SP140: variants seen among roughly 807,000 people sequenced by gnomAD.
SP140 encodes the protein nuclear body protein SP140.
In SP140, 81 loss-of-function variants were observed where a neutral mutation model predicts 125.0. The observed-to-expected ratio is 0.65, with a 90% CI of 0.54 to 0.78. The LOEUF (loss-of-function observed/expected upper bound fraction) is 0.78. SP140 is among the 30% of genes least tolerant of loss of function. The pLI is 0.00. For missense variants in SP140, 858 were observed against 1,037.0 expected (o/e 0.83, Z 2.37); for synonymous variants, 312 against 354.0 (o/e 0.88, Z 1.33).
chr2:230,211,675 G>A lies in SP140; in HGVS notation c.-322-1979G>A. ...ACGGGGTAACAGCAACCAAGGCCTG[G>A]GAAAGGATGGCATAGAGTGGGAAAG... On this transcript the variant is annotated intron_variant, in intron 1 of 4. Coordinates refer to the SP140 transcript ENST00000456542. The surrounding 1 kb of genome is among the most constrained non-coding windows in gnomAD (Gnocchi z 4.2). 1 of 716,822 alleles carries A rather than the reference G, an allele frequency of 1.4e-6. No individual in the cohort carries two copies. The allele number at this position is 716,822 out of a possible 1,614,324, so 44.4% of individuals were successfully genotyped here. A position where few individuals can be genotyped will look rare whatever the true frequency, so the allele number is the denominator to read the frequency against.
chr2:230,209,975 G>A, intron 1 of SP140: 1 of 1,609,240 alleles, frequency 6.2e-7, no homozygotes, highest in Non-Finnish European at 8.5e-7. Context: ...GGGCTCTTCT[G>A]GGTCATTTGG....
Position 230,237,009 on chromosome 2 carries a change from T to A in SP140, c.60-74T>A. ...GGCTCTCCATTGGCCATCCTTCATGTCTAAAATCTTCTAACCACCACAAAC... is the reference window on the plus strand; with the variant it reads ...GGCTCTCCATTGGCCATCCTTCATGACTAAAATCTTCTAACCACCACAAAC... On this transcript the variant is annotated intron_variant, in intron 1 of 26. Coordinates refer to ENST00000392045, the MANE Select transcript of SP140 (RefSeq NM_007237.5). This position sits in a 1 kb window ranked among gnomAD's most constrained non-coding sequence, Gnocchi z 5.4. 8 of 1,221,940 alleles carry A rather than the reference T, an allele frequency of 6.5e-6. No homozygotes were observed. The highest frequency in any genetic ancestry group is 9.0e-6 in the Non-Finnish European group (8 of 893,288). The allele number at this position is 1,221,940 out of a possible 1,614,324, so 75.7% of individuals were successfully genotyped here. A position where few individuals can be genotyped will look rare whatever the true frequency, so the allele number is the denominator to read the frequency against.
At chr2:230,286,568 A>T (rs776335870) in intron 17 of SP140, among the ~76,000 whole-genome samples, 2 of 152,156 alleles carry the variant, frequency 1.3e-5, no homozygotes, top group Non-Finnish European at 2.9e-5. Context: ...CTTCCATGAG[A>T]TGCTTTCATC....
chr2:230,310,097 G>A (rs2059196305), intron 23 of SP140, 58 bp downstream of exon 23: 3 of 1,539,568 alleles, frequency 1.9e-6, no homozygotes, highest in South Asian at 1.1e-5. Flanking sequence ...CACCTGCCAT[G>A]CGCACTCTCC....
At chr2:230,196,648 C>T in the SP140 span, among the ~76,000 whole-genome samples, 1 of 151,756 alleles carries the variant, frequency 6.6e-6, no homozygotes, top group Non-Finnish European at 1.5e-5. Flanking sequence ...CCCATTAACT[C>T]GTCATTTAGC....
intron 12 of SP140, among the ~76,000 whole-genome samples, chr2:230,264,069 C>T (rs181927322): frequency 6.6e-6 from 1 of 152,238 alleles, no homozygotes; most frequent in African/African-American, 2.4e-5. Flanking sequence ...ATATGTTTTC[C>T]AAGCTTTTAG....
At chr2:230,313,346 T>G (rs111769320), downstream of SP140, 484 of 152,436 alleles carry the variant, frequency 3.2e-3, 3 homozygotes, top group Admixed American at 7.0e-3. Context: ...GCCAGGTCTT[T>G]TCATCCCCAA....
intron 3 of SP140, chr2:230,238,906 G>A (rs1469719389): frequency 3.9e-6 from 6 of 1,550,332 alleles, no homozygotes; most frequent in East Asian, 4.9e-5. Context: ...GGTTGGTGGG[G>A]GCCTTTCCGA....
intron 1 of SP140, among the ~76,000 whole-genome samples, chr2:230,226,676 C>T (rs1574855647): frequency 1.3e-5 from 2 of 148,954 alleles, no homozygotes; most frequent in South Asian, 4.3e-4. Context: ...GCAGGATAAT[C>T]GCTTGAACCA....
intron 22 of SP140, among the ~76,000 whole-genome samples, chr2:230,304,076 A>G (rs1384991537): frequency 6.6e-6 from 1 of 152,220 alleles, no homozygotes; most frequent in Admixed American, 6.5e-5. Flanking sequence ...CAAAATCAAT[A>G]TATACAAATC....
At chr2:230,310,528 C>A in intron 23 of SP140, 1 of 1,097,282 alleles carries the variant, frequency 9.1e-7, no homozygotes. Flanking sequence ...GTGACACCAC[C>A]TTCCTCAGAC....
chr2:230,301,269 T>A (rs2058259160), intron 22 of SP140, among the ~76,000 whole-genome samples: 1 of 152,098 alleles, frequency 6.6e-6, no homozygotes, highest in Admixed American at 6.5e-5. Flanking sequence ...GATTTAGACA[T>A]CCAAATACAA....
rs1204439396 is a variant in SP140 at position 230,241,575 on chromosome 2, T to C, written c.490+88T>C. 6.4e-6 allele frequency: 5 copies of C among 778,096 alleles called. No homozygotes were observed. In the East Asian group the frequency reaches 1.3e-4, roughly 20 times the overall value. The allele number at this position is 778,096 out of a possible 1,614,324, so 48.2% of individuals were successfully genotyped here. On this transcript the variant is annotated intron_variant, in intron 4 of 26. Coordinates refer to ENST00000392045, the MANE Select transcript of SP140 (RefSeq NM_007237.5). ...CAAATCTTGTATTTCCTCTCCTGTC[T>C]TAGCCCTCTGTTATCTCCCAGTCCT...
At chr2:230,236,564 T>C (rs970064390) in intron 1 of SP140, among the ~76,000 whole-genome samples, 1 of 152,210 alleles carries the variant, frequency 6.6e-6, no homozygotes, top group Non-Finnish European at 1.5e-5. Context: ...CTGAATGCAG[T>C]CTACTAGAGG....
intron 3 of SP140, among the ~76,000 whole-genome samples, chr2:230,215,705 C>T (rs138855930): frequency 8.3e-4 from 126 of 152,292 alleles, no homozygotes; most frequent in African/African-American, 2.9e-3. Flanking sequence ...GCTCGGTCAG[C>T]GAGTCTTTGG....
At chr2:230,216,072 C>T (rs1209406687) in intron 3 of SP140, among the ~76,000 whole-genome samples, 4 of 152,108 alleles carry the variant, frequency 2.6e-5, no homozygotes, top group Non-Finnish European at 5.9e-5. Context: ...CACTTTTGTC[C>T]ACATAGCATA....
At chr2:230,306,641 C>T (rs2058789447) in intron 22 of SP140, among the ~76,000 whole-genome samples, 1 of 152,248 alleles carries the variant, frequency 6.6e-6, no homozygotes, top group Non-Finnish European at 1.5e-5. Context: ...GGGGCTGAGC[C>T]CAGGTGCAGT....
intron 21 of SP140, among the ~76,000 whole-genome samples, chr2:230,295,907 C>T (rs1026554526): frequency 6.6e-6 from 1 of 152,212 alleles, no homozygotes; most frequent in African/African-American, 2.4e-5. Flanking sequence ...ATCAAGCACA[C>T]ACTAAATGCC....
intron 12 of SP140, among the ~76,000 whole-genome samples, chr2:230,265,840 A>C (rs981172693): frequency 4.0e-5 from 6 of 151,840 alleles, no homozygotes; most frequent in Admixed American, 6.6e-5. Context: ...CTTCCTTCAG[A>C]GGGTCATGTT....
Sources: gnomAD v4.1 joint callset for allele counts (sites outside exome capture counted in the v4.1 genomes callset) on GRCh38, gnomAD v4.1.1 for gene constraint, Gnocchi (gnomAD v3.1) non-coding constraint, MANE v1.5 for transcripts, NCBI Gene and HGNC (gene_info 2026-07-23, HGNC 2026-07-21) for gene names.